Variants in ACAT1 observed in about 807,000 individuals in gnomAD.
ACAT1 encodes acetyl-CoA acetyltransferase 1, also known as acetyl-CoA acetyltransferase, mitochondrial.
Under a neutral mutation model 47.3 loss-of-function variants are expected in ACAT1, and 28 were observed. The observed-to-expected ratio is 0.59, with a 90% CI of 0.44 to 0.81. ACAT1 has a LOEUF of 0.81. Among genes scored for constraint, ACAT1 ranks in the 30% least tolerant of loss-of-function variants. ACAT1 has a pLI of 0.00. For missense variants in ACAT1, 469 were observed against 524.3 expected, an observed-to-expected ratio of 0.89 and a Z score of 1.03; for synonymous variants, 181 against 173.6, an observed-to-expected ratio of 1.04 and a Z score of -0.34.
At chr11:108,138,398 A>G (rs1467816224) in intron 5 of ACAT1, among the ~76,000 whole-genome samples, 1 of 142,104 alleles carries the variant, frequency 7.0e-6, no homozygotes. Flanking sequence ...CTCCGCCTCT[A>G]CTTTTTTTTT....
intron 1 of ACAT1, among the ~76,000 whole-genome samples, chr11:108,131,434 C>T (rs1241752284): frequency 7.1e-6 from 1 of 140,294 alleles, no homozygotes; most frequent in Non-Finnish European, 1.5e-5. Context: ...TCACTGCAAC[C>T]TCCGCCTCCT....
chr11:108,135,111 GTT>G lies in ACAT1; in HGVS notation c.335-27_335-26del, dbSNP rs771084397. ...GTTCTGCAGTTGTGTTTGAGTATCGGTTTTTCAAAAGTGACTTATATTGGTTT... is the reference window on the plus strand; with the variant it reads ...GTTCTGCAGTTGTGTTTGAGTATCGGTTTCAAAAGTGACTTATATTGGTTT... On this transcript the variant is annotated intron_variant, in intron 4 of 11. Coordinates refer to ENST00000265838, the MANE Select transcript of ACAT1 (RefSeq NM_000019.4). 91 of 1,527,934 alleles carry G rather than the reference GTT, an allele frequency of 6.0e-5. 1 individual carries two copies. In the Admixed American group the frequency reaches 1.5e-3, roughly 26 times the overall value. 94.6% of individuals were successfully genotyped at this position (1,527,934 alleles called of 1,614,324 possible).
rs1379440415 is a variant in ACAT1, at chr11:108,140,068, A to G, written c.583A>G (p.Ser195Gly). ...AAATATTTCAACTTTTTATCAGGGC[A>G]GCTGTGCTGAGAATACAGCAAAGAA... ...TDVYNKIHMG[S>G]CAENTAKKLN... Residue 195 changes from serine (S) to glycine (G), a missense_variant, in exon 7 of 12, where the codon AGC (serine) becomes GGC (glycine). Ser to Gly is a moderately conservative substitution (Grantham distance 56). Coordinates refer to ENST00000265838, the MANE Select transcript of ACAT1 (RefSeq NM_000019.4). 1 of 1,613,916 alleles carries G rather than the reference A, an allele frequency of 6.2e-7. No homozygotes were observed. The highest frequency in any genetic ancestry group is 8.5e-7 in the Non-Finnish European group (1 of 1,179,806).
At position 108,134,117 on chromosome 11, in the gene ACAT1, A is replaced by G. The variant is rs1206308098; in HGVS notation, c.239-104A>G. ...AGATTGAAACTCAAAACTGACAAAA[A>G]AAAGAAACCATTCCTATTGTGTAAT... is the stretch of plus-strand genomic sequence containing the variant. On this transcript the variant is annotated intron_variant, in intron 3 of 11. Transcript: ENST00000265838. The G allele has an allele frequency of 4.8e-6, 6 of 1,261,412 alleles. No homozygotes were observed. In the East Asian group the frequency reaches 9.5e-5, roughly 20 times the overall value. The allele number at this position is 1,261,412 out of a possible 1,614,324, so 78.1% of individuals were successfully genotyped here.
At chr11:108,127,413 C>T (rs1049259771) in intron 1 of ACAT1, among the ~76,000 whole-genome samples, 22 of 152,006 alleles carry the variant, frequency 1.4e-4, no homozygotes, top group South Asian at 2.1e-4. Flanking sequence ...TACAGGTGCC[C>T]GCCACCACGC....
rs534624779 is a variant in ACAT1, at chr11:108,126,612, A to G, written c.72+4934A>G. 2.6e-5 allele frequency among the ~76,000 whole-genome samples: 4 copies of G among 152,282 alleles called. No individual in the cohort carries two copies. The East Asian group carries it at 5.8e-4, about 22-fold the overall frequency. ...GGGAACTAGGTAGAAGGCCATTAAT[A>G]GGAACAAGAGATGGTGGCTTGGACT... On this transcript the variant is annotated intron_variant, in intron 1 of 11. Coordinates refer to ENST00000265838, the MANE Select transcript of ACAT1 (RefSeq NM_000019.4).
intron 1 of ACAT1, among the ~76,000 whole-genome samples, chr11:108,130,432 C>T (rs190230993): frequency 1.1e-4 from 17 of 152,142 alleles, no homozygotes; most frequent in Admixed American, 8.5e-4. Flanking sequence ...CTCGCTCTGT[C>T]GCCCAGGCTG....
chr11:108,116,907 G>A (rs559854893), upstream of ACAT1, among the ~76,000 whole-genome samples: 6 of 152,062 alleles, frequency 3.9e-5, no homozygotes, highest in South Asian at 2.1e-4. Flanking sequence ...AGAACTGTAA[G>A]AAAATACATT....
At chr11:108,135,095 T>A (rs749343089) in intron 4 of ACAT1, 47 bp from the exon 5 acceptor site, 1 of 1,327,076 alleles carries the variant, frequency 7.5e-7, no homozygotes, top group Non-Finnish European at 1.1e-6. Context: ...AGTTCTGCAG[T>A]TGTGTTTGAG....
upstream of ACAT1, chr11:108,121,364 T>C (rs910434205): frequency 4.8e-5 from 28 of 583,480 alleles, no homozygotes; most frequent in Non-Finnish European, 6.8e-5. Flanking sequence ...CAGGTGCTCG[T>C]TGACCCCAGC....
At chr11:108,130,567 T>C (rs1454645043) in intron 1 of ACAT1, among the ~76,000 whole-genome samples, 1 of 151,810 alleles carries the variant, frequency 6.6e-6, no homozygotes, top group Non-Finnish European at 1.5e-5. Context: ...CTAACTTTTA[T>C]ATTTCTAGTA....
intron 1 of ACAT1, chr11:108,128,918 A>C (rs964044503): frequency 3.2e-4 from 49 of 152,236 alleles, no homozygotes; most frequent in African/African-American, 1.2e-3. Flanking sequence ...TTTTGGGAAC[A>C]GGTGGTGTTG....
rs192485396 is a variant in ACAT1 at position 108,146,123 on chromosome 11, G to A, written c.1006-79G>A. On this transcript the variant is annotated intron_variant, in intron 10 of 11. Coordinates refer to ENST00000265838, the MANE Select transcript of ACAT1 (RefSeq NM_000019.4). ...ATATTTAAATAACTTATGTCAAACT[G>A]TAGTATTTCAAGGAAATGATGACAG... 133 of 1,190,772 alleles carry A rather than the reference G, an allele frequency of 1.1e-4. 1 individual carries two copies. The East Asian group carries it at 3.0e-3, about 26-fold the overall frequency. 73.8% of individuals were successfully genotyped at this position (1,190,772 alleles called of 1,614,324 possible).
At chr11:108,128,730 C>G (rs1353501079) in intron 1 of ACAT1, 2 of 152,170 alleles carry the variant, frequency 1.3e-5, no homozygotes, top group African/African-American at 4.8e-5. Flanking sequence ...GAAGGGATAA[C>G]TGTGCCATCT....
At chr11:108,121,851 C>A (rs1376605809) in intron 1 of ACAT1, 173 bp downstream of exon 1, 1 of 647,678 alleles carries the variant, frequency 1.5e-6, no homozygotes, top group Non-Finnish European at 2.7e-6. Flanking sequence ...TCCGATAACA[C>A]CCAGGGACTC....
rs1414988257 is a variant in ACAT1, at chr11:108,146,437, TC to T, written c.1163+81del. On this transcript the variant is annotated intron_variant, in intron 11 of 11. Coordinates refer to ENST00000265838, the MANE Select transcript of ACAT1 (RefSeq NM_000019.4). ...GCTAAACTTAAAACTGCTTCATAAT[TC>T]CCATTGCTCTTAAGTTTTCCTTCCT... 3.9e-6 allele frequency: 6 copies of T among 1,526,502 alleles called. No individual in the cohort carries two copies. The Admixed American group carries it at 1.0e-4, about 26-fold the overall frequency. 94.6% of individuals were successfully genotyped at this position (1,526,502 alleles called of 1,614,324 possible). A position where few individuals can be genotyped will look rare whatever the true frequency, so the allele number is the denominator to read the frequency against.
At chr11:108,145,678 C>A (rs2077690632) in intron 10 of ACAT1, among the ~76,000 whole-genome samples, 1 of 152,180 alleles carries the variant, frequency 6.6e-6, no homozygotes. Context: ...ATCAAATTTT[C>A]TGTCCCCTAT....
chr11:108,125,314 A>G (rs1487396838), intron 1 of ACAT1, among the ~76,000 whole-genome samples: 1 of 152,178 alleles, frequency 6.6e-6, no homozygotes, highest in East Asian at 1.9e-4. Context: ...TTCATTCAGC[A>G]TGTATTATTA....
At chr11:108,127,187 G>A (rs948062328) in intron 1 of ACAT1, among the ~76,000 whole-genome samples, 2 of 151,762 alleles carry the variant, frequency 1.3e-5, no homozygotes, top group African/African-American at 4.8e-5. Flanking sequence ...TCAGGTTGGC[G>A]CTTGGGTGTG....
Sources: allele counts gnomAD v4.1 joint callset (sites outside exome capture counted in the v4.1 genomes callset), GRCh38; gene constraint gnomAD v4.1.1; transcripts MANE v1.5; gene names NCBI Gene and HGNC (gene_info 2026-07-23, HGNC 2026-07-21).